Variants in ARNT observed in about 807,000 individuals in gnomAD.
ARNT encodes aryl hydrocarbon receptor nuclear translocator, also known as class E basic helix-loop-helix protein 2.
In ARNT, 30 loss-of-function variants were observed where a neutral mutation model predicts 105.0. The observed-to-expected ratio is 0.29, with a 90% CI of 0.21 to 0.39. ARNT has a LOEUF of 0.39. Ranked by LOEUF, ARNT falls within the 10% of genes least tolerant of loss-of-function variation. The pLI is 1.00. For synonymous variants in ARNT, 304 were observed against 344.0 expected (o/e 0.88, Z 1.29); for missense variants, 748 against 978.7 (o/e 0.76, Z 3.15).
chr1:150,819,375 C>T (rs1472112074), intron 14 of ARNT, among the ~76,000 whole-genome samples: 1 of 152,128 alleles, frequency 6.6e-6, no homozygotes, highest in East Asian at 1.9e-4. Flanking sequence ...AATTCCACTC[C>T]TGGGTGGAAT....
At position 150,858,391 on chromosome 1, in the gene ARNT, C is replaced by T. The variant is rs773179687; in HGVS notation, c.95G>A (p.Gly32Asp). The T allele has an allele frequency of 1.3e-5, 21 of 1,609,682 alleles. No homozygotes were observed. In the Admixed American group the frequency reaches 3.2e-4, roughly 24 times the overall value. Reference sequence around the variant, plus strand: ...AGCCCTCTGGACAATGGCTCCTCCACCTTGAATTCCAGGTCCAGAGTTTCC... The same window carrying T: ...AGCCCTCTGGACAATGGCTCCTCCATCTTGAATTCCAGGTCCAGAGTTTCC... ...ASGNSGPGIQ[G>D]GGAIVQRAIK... is the part of the protein sequence containing the mutation. Residue 32 changes from glycine (G) to aspartate (D), a missense_variant, in exon 2 of 22, where the codon GGT (glycine) becomes GAT (aspartate). Gly to Asp is a moderately conservative substitution (Grantham distance 94, BLOSUM62 -1). Coordinates refer to ENST00000358595, the MANE Select transcript of ARNT (RefSeq NM_001668.4).
chr1:150,834,122 G>A (rs1182164146), intron 8 of ARNT, among the ~76,000 whole-genome samples: 1 of 151,740 alleles, frequency 6.6e-6, no homozygotes, highest in Non-Finnish European at 1.5e-5. Flanking sequence ...TTTTTTTTTA[G>A]TAGAGATGGG....
chr1:150,849,677 C>T (rs1208896044), intron 3 of ARNT, among the ~76,000 whole-genome samples: 2 of 152,058 alleles, frequency 1.3e-5, no homozygotes, highest in East Asian at 1.9e-4. Context: ...GTGGGAGGAT[C>T]GCTTGAGCCC....
rs145821643 is a variant in ARNT, at chr1:150,836,404, G to A, written c.576C>T (p.Ser192=). 3.1e-5 allele frequency: 50 copies of A among 1,614,068 alleles called. No homozygotes were observed. In the East Asian group the frequency reaches 4.9e-4, roughly 16 times the overall value. The change falls in exon 7 of 22, where the codon TCC becomes TCT. Residue 192 remains serine, a synonymous_variant. Transcript: ENST00000358595. ...ETGRVVYVSD[S]VTPVLNQPQS... Reference sequence around the variant, plus strand: ...GTGGCTGGTTCAAAACAGGAGTCACGGAGTCAGACACATACACCACCCTGC... The same window carrying A: ...GTGGCTGGTTCAAAACAGGAGTCACAGAGTCAGACACATACACCACCCTGC...
rs1189698018 is a variant in ARNT at position 150,829,241 on chromosome 1, G to C, written c.1033-14C>G. 3 of 1,609,974 alleles carry C rather than the reference G, an allele frequency of 1.9e-6. No individual in the cohort carries two copies. The highest frequency in any genetic ancestry group is 2.5e-6 in the Non-Finnish European group (3 of 1,177,512). On this transcript the variant is annotated splice_polypyrimidine_tract_variant and intron_variant, in intron 11 of 21. Coordinates refer to ENST00000358595, the MANE Select transcript of ARNT (RefSeq NM_001668.4). The stretch of plus-strand genomic sequence containing the variant: ...AGAACTAGTTACCTGAGAGTGAAGA[G>C]ATAAAAATGAGGTAAAATGATACCA...
At chr1:150,823,895 T>G (rs1025645747) in intron 13 of ARNT, among the ~76,000 whole-genome samples, 8 of 149,236 alleles carry the variant, frequency 5.4e-5, no homozygotes, top group Non-Finnish European at 1.0e-4. Context: ...CAGGCTAGAG[T>G]GCAGTGGCGC....
At chr1:150,855,737 A>T (rs1483964412) in intron 2 of ARNT, among the ~76,000 whole-genome samples, 3 of 137,856 alleles carry the variant, frequency 2.2e-5, no homozygotes, top group Non-Finnish European at 3.2e-5. Context: ...CCATGTCTTT[A>T]AAAAAAAAAA....
rs1654647901 is a variant in ARNT at position 150,811,183 on chromosome 1, C to T, written c.*838G>A. ...AGCACCAAAAGCAGCAGTAACCCAG[C>T]TTTATCACTGAATGTGTTCGATAAC... On this transcript the variant is annotated 3_prime_UTR_variant, in exon 22 of 22. Coordinates refer to ENST00000358595, the MANE Select transcript of ARNT (RefSeq NM_001668.4). 8.6e-6 allele frequency: 2 copies of T among 233,678 alleles called. No homozygotes were observed. Among genetic ancestry groups the T allele is most frequent in the East Asian group, 1.2e-4 (2 of 16,706 alleles). The allele number at this position is 233,678 out of a possible 1,614,324, so 14.5% of individuals were successfully genotyped here.
At chr1:150,862,290 A>G (rs1665776956) in intron 1 of ARNT, among the ~76,000 whole-genome samples, 1 of 152,116 alleles carries the variant, frequency 6.6e-6, no homozygotes, top group Non-Finnish European at 1.5e-5. Context: ...CCCTGGGCCT[A>G]AGGGTAGACA....
rs1409533324 is a variant in ARNT, at chr1:150,836,478, T to C, written c.502A>G (p.Ile168Val). Reference protein sequence around the residue: ...FLTDQELKHLILEAADGFLFI... With the variant: ...FLTDQELKHLVLEAADGFLFI... ...AGAAAGCCATCTGCTGCCTCCAAGA[T>C]CAAATGTTTCAGTTCCTGCGCAAGA... The change falls in exon 7 of 22, where the codon ATC (isoleucine) becomes GTC (valine). Residue 168 changes from isoleucine to valine, a missense_variant. Ile to Val is a conservative substitution (Grantham distance 29). Coordinates refer to ENST00000358595, the MANE Select transcript of ARNT (RefSeq NM_001668.4). The C allele has an allele frequency of 2.5e-6, 4 of 1,613,780 alleles. No homozygotes were observed. Among genetic ancestry groups the C allele is most frequent in the Non-Finnish European group, 3.4e-6 (4 of 1,179,944 alleles).
chr1:150,814,059 C>T lies in ARNT; in HGVS notation c.2113+18G>A, dbSNP rs775666944. On this transcript the variant is annotated intron_variant, in intron 20 of 21. Transcript: ENST00000358595. ...GTGGTGCGATTTTCCTGTTACTCTCCTTATGGTCTGGACTCACCAAAGTTA... is the reference window on the plus strand; with the variant it reads ...GTGGTGCGATTTTCCTGTTACTCTCTTTATGGTCTGGACTCACCAAAGTTA... 15 of 1,612,574 alleles carry T rather than the reference C, an allele frequency of 9.3e-6. No homozygotes were observed. In the African/African-American group the frequency reaches 1.6e-4, roughly 17 times the overall value.
chr1:150,875,965 T>C (rs949314382), intron 1 of ARNT, among the ~76,000 whole-genome samples: 2 of 152,078 alleles, frequency 1.3e-5, no homozygotes, highest in African/African-American at 4.8e-5. Flanking sequence ...AGTTTCAAAG[T>C]ATAGTCCGGG....
rs144534029 is a variant in ARNT, at chr1:150,811,787, A to G, written c.*234T>C. On this transcript the variant is annotated 3_prime_UTR_variant, in exon 22 of 22. Coordinates refer to ENST00000358595, the MANE Select transcript of ARNT (RefSeq NM_001668.4). ...AAGGAAAGGTGTTTTAACTTCACCC[A>G]GCCTCAAATTTTCAGACAGTCCTAA... 446 of 342,408 alleles carry G rather than the reference A, an allele frequency of 1.3e-3. No individual in the cohort carries two copies. Among genetic ancestry groups the G allele is most frequent in the Non-Finnish European group, 2.1e-3 (392 of 189,444 alleles). The allele number at this position is 342,408 out of a possible 1,614,324, so 21.2% of individuals were successfully genotyped here.
intron 16 of ARNT, 29 bp downstream of exon 16, chr1:150,817,332 C>A (rs770218451): frequency 1.2e-6 from 2 of 1,611,598 alleles, no homozygotes; most frequent in East Asian, 2.2e-5. Flanking sequence ...ATACTCCCTA[C>A]CCTCTTCAAC....
intron 13 of ARNT, among the ~76,000 whole-genome samples, chr1:150,824,258 A>G (rs960728549): frequency 2.0e-5 from 3 of 151,898 alleles, no homozygotes; most frequent in Non-Finnish European, 4.4e-5. Context: ...CTAGTCAAAT[A>G]GGAATAATAA....
intron 10 of ARNT, 63 bp from the exon 11 acceptor site, chr1:150,830,043 A>C: frequency 1.3e-6 from 2 of 1,558,294 alleles, no homozygotes; most frequent in African/African-American, 1.4e-5. Flanking sequence ...TTCAAAACTC[A>C]GACAAGTAAA....
At chr1:150,813,866 T>C (rs1283202591) in intron 20 of ARNT, among the ~76,000 whole-genome samples, 1 of 152,122 alleles carries the variant, frequency 6.6e-6, no homozygotes, top group Admixed American at 6.6e-5. Flanking sequence ...CCTCAAGTGA[T>C]CCGCCTGCCT....
intron 13 of ARNT, 152 bp downstream of exon 13, chr1:150,826,391 A>G (rs956333472): frequency 1.5e-5 from 9 of 610,054 alleles, no homozygotes; most frequent in African/African-American, 1.5e-4. Flanking sequence ...ATTTCAAAGT[A>G]TTAGTCCTTT....
intron 1 of ARNT, among the ~76,000 whole-genome samples, chr1:150,873,548 CAGA>C (rs1667803478): frequency 1.3e-5 from 2 of 152,112 alleles, no homozygotes; most frequent in African/African-American, 4.8e-5. Context: ...GTGAAAAATG[CAGA>C]AGAACGTGGT....
Sources: gnomAD v4.1 joint callset for allele counts (sites outside exome capture counted in the v4.1 genomes callset) on GRCh38, gnomAD v4.1.1 for gene constraint, MANE v1.5 for transcripts, NCBI Gene and HGNC (gene_info 2026-07-23, HGNC 2026-07-21) for gene names.